The following KRT3 variants were observed in gnomAD, a reference collection of about 807,000 sequenced individuals.
KRT3 encodes the protein keratin 3, also known as keratin, type II cytoskeletal 3.
In KRT3, 34 loss-of-function variants were observed where a neutral mutation model predicts 45.8. The ratio of observed to expected loss-of-function variants is 0.74; its 90% CI spans 0.57 to 0.99. The LOEUF is 0.99. KRT3 is among the 50% of genes least tolerant of loss of function. KRT3 has a pLI of 0.00. For synonymous variants in KRT3, 367 were observed against 329.0 expected, an observed-to-expected ratio of 1.12 and a Z score of -1.25; for missense variants, 828 against 820.6, an observed-to-expected ratio of 1.01 and a Z score of -0.11.
At position 52,790,147 on chromosome 12, in the gene KRT3, G is replaced by A. The variant is rs1052951820; in HGVS notation, c.1782C>T (p.Gly594=). The A allele has an allele frequency of 1.2e-4, 181 of 1,547,396 alleles. No homozygotes were observed. The highest frequency in any genetic ancestry group is 1.1e-4 in the Non-Finnish European group (123 of 1,146,838). ...CCCCGCCACTGACTCCATAGCGGGC[G>A]CCAGAGATGGAGCCAAAGCCGCTGC... is the stretch of plus-strand genomic sequence containing the variant. ...SGGSGFGSIS[G]ARYGVSGGGF... The change falls in exon 9 of 9, where the codon GGC becomes GGT. Residue 594 remains glycine (G), a synonymous_variant. Coordinates refer to ENST00000417996, the MANE Select transcript of KRT3 (RefSeq NM_057088.3).
At position 52,791,689 on chromosome 12, in the gene KRT3, A is replaced by G; in HGVS notation, c.1314+2T>C. 1.9e-6 allele frequency: 3 copies of G among 1,613,868 alleles called. No individual in the cohort carries two copies. The highest frequency in any genetic ancestry group is 2.5e-6 in the Non-Finnish European group (3 of 1,179,910). On this transcript the variant is annotated splice_donor_variant, in intron 6 of 8. Transcript: ENST00000417996. LOFTEE classifies it high-confidence loss of function. ...AGGTGCCAGCATCCATGACCATCCC[A>G]CCTGCTTCTTGACACCCTCGATCTC...
chr12:52,791,098 G>A, intron 7 of KRT3, 108 bp downstream of exon 7: 1 of 1,538,984 alleles, frequency 6.5e-7, no homozygotes, highest in East Asian at 2.3e-5. Context: ...TCACCACAAG[G>A]CCTCTCTTTA....
rs932880132 is a variant in KRT3, at chr12:52,791,884, T to A, written c.1189-68A>T. The A allele has an allele frequency of 2.6e-6, 4 of 1,536,600 alleles. No homozygotes were observed. In the African/African-American group the frequency reaches 4.1e-5, roughly 16 times the overall value. ...TTGACTTGTTTCTACACCTCCAACA[T>A]CACCCACCAAACCTTCAGAAGCTCA... On this transcript the variant is annotated intron_variant, in intron 5 of 8. Transcript: ENST00000417996.
intron 7 of KRT3, 25 bp from the exon 8 acceptor site, chr12:52,790,897 G>T: frequency 6.3e-7 from 1 of 1,585,086 alleles, no homozygotes; most frequent in Non-Finnish European, 8.6e-7. Context: ...AAGAGAAAGT[G>T]GGCCCCGTCA....
rs1458387346 is a variant in KRT3, at chr12:52,795,379, C to G, written c.645+19G>C. On this transcript the variant is annotated intron_variant, in intron 1 of 8. Transcript: ENST00000417996. ...AAGTCCCCAGCCCAGGAAGGGATGA[C>G]CAGTCAAAGCTTCATTACCTTGTCA... 6.2e-7 allele frequency: 1 copy of G among 1,613,718 alleles called. No individual in the cohort carries two copies. Among genetic ancestry groups the G allele is most frequent in the East Asian group, 2.2e-5 (1 of 44,890 alleles).
At chr12:52,793,619 T>C (rs1939576142) in intron 2 of KRT3, among the ~76,000 whole-genome samples, 1 of 152,010 alleles carries the variant, frequency 6.6e-6, no homozygotes, top group African/African-American at 2.4e-5. Flanking sequence ...TTAGACATAG[T>C]CTCGCTCTGT....
chr12:52,794,025 C>G, intron 2 of KRT3, 86 bp downstream of exon 2: 1 of 1,034,052 alleles, frequency 9.7e-7, no homozygotes, highest in Non-Finnish European at 1.5e-6. Flanking sequence ...ACGCCACTGC[C>G]CAGCAGTCAG....
At chr12:52,791,875 C>G in intron 5 of KRT3, 59 bp from the exon 6 acceptor site, 1 of 1,560,048 alleles carries the variant, frequency 6.4e-7, no homozygotes, top group Non-Finnish European at 8.7e-7. Context: ...TGTTTCTACA[C>G]CTCCAACATC....
chr12:52,792,081 C>T (rs1939524769), intron 5 of KRT3, among the ~76,000 whole-genome samples, 158 bp downstream of exon 5: 1 of 152,186 alleles, frequency 6.6e-6, no homozygotes, highest in African/African-American at 2.4e-5. Flanking sequence ...AGGGGCAAGA[C>T]TTTCTGCAAC....
intron 5 of KRT3, 100 bp downstream of exon 5, chr12:52,792,139 T>C: frequency 2.0e-6 from 2 of 1,010,352 alleles, no homozygotes; most frequent in South Asian, 1.6e-5. Flanking sequence ...CCAAAAGGCA[T>C]TCACCCAGTG....
rs1565679542 is a variant in KRT3, at chr12:52,795,608, C to A, written c.435G>T (p.Gly145=). Residue 145 remains glycine (G), a synonymous_variant, in exon 1 of 9, where the codon GGG becomes GGT. Transcript: ENST00000417996. ...TGCCAGGCCCACCAAAGCCACCAGA[C>A]CCACCAAAGCCACCAGGACCACCAA... The part of the protein sequence containing the change: ...GGFGGPGGFG[G]SGGFGGPGSL... The A allele has an allele frequency of 1.3e-6, 2 of 1,593,100 alleles. No homozygotes were observed. The highest frequency in any genetic ancestry group is 1.7e-4 in the Middle Eastern group (1 of 6,040).
rs1939491693 is a variant in KRT3 at position 52,791,341 on chromosome 12, A to G, written c.1400T>C (p.Leu467Pro). Reference protein sequence around the residue: ...LKDANAKLQELQAALQQAKDD... With the variant: ...LKDANAKLQEPQAALQQAKDD... ...CTTCGCCTGCTGTAGAGCAGCCTGCAGCTCTTGGAGCTTGGCATTGGCATC... is the reference window on the plus strand; with the variant it reads ...CTTCGCCTGCTGTAGAGCAGCCTGCGGCTCTTGGAGCTTGGCATTGGCATC... The change falls in exon 7 of 9, where the codon CTG (leucine) becomes CCG (proline). Residue 467 changes from leucine (L) to proline (P), a missense_variant. Coordinates refer to ENST00000417996, the MANE Select transcript of KRT3 (RefSeq NM_057088.3). The G allele has an allele frequency of 1.9e-6, 3 of 1,614,120 alleles. No individual in the cohort carries two copies. Among genetic ancestry groups the G allele is most frequent in the Non-Finnish European group, 2.5e-6 (3 of 1,180,042 alleles).
At position 52,794,331 on chromosome 12, in the gene KRT3, C is replaced by T. The variant is rs367741612; in HGVS notation, c.646G>A (p.Val216Met). The change falls in exon 2 of 9, where the codon GTG becomes ATG. Residue 216 changes from valine (V) to methionine (M), a missense_variant and splice_region_variant. By Grantham distance (21) the Val-to-Met change is conservative. Coordinates refer to ENST00000417996, the MANE Select transcript of KRT3 (RefSeq NM_057088.3). The part of the protein sequence containing the change: ...NNKFASFIDK[V>M]RFLEQQNKVL... ...TTGTTCTGTTGCTCCAGGAACCGCA[C>T]CTGCAATGGTTGCAGGAAGCAACAT... The T allele has an allele frequency of 1.2e-5, 20 of 1,612,610 alleles. No individual in the cohort carries two copies. Among genetic ancestry groups the T allele is most frequent in the Non-Finnish European group, 1.5e-5 (18 of 1,179,142 alleles).
At position 52,792,327 on chromosome 12, in the gene KRT3, A is replaced by G. The variant is rs765075682; in HGVS notation, c.1100T>C (p.Leu367Pro). ...ACGAACTTCAGCAATGATGCTGTCC[A>G]GGTCCAGGGAGCGATTATTGTCCAT... The part of the protein sequence containing the change: ...LSMDNNRSLD[L>P]DSIIAEVRAQ... The change falls in exon 5 of 9, where the codon CTG (leucine) becomes CCG (proline). Residue 367 changes from leucine to proline, a missense_variant. Leu to Pro is a moderately conservative substitution (Grantham distance 98). Transcript: ENST00000417996. 1.2e-6 allele frequency: 2 copies of G among 1,614,036 alleles called. No homozygotes were observed. The highest frequency in any genetic ancestry group is 1.1e-5 in the South Asian group (1 of 91,078).
chr12:52,791,009 T>A, intron 7 of KRT3, 137 bp from the exon 8 acceptor site: 1 of 1,261,908 alleles, frequency 7.9e-7, no homozygotes, highest in Non-Finnish European at 1.1e-6. Flanking sequence ...CACCCCTCTT[T>A]GGGCTGTAGC....
In KRT3 at chr12:52,791,401, G is replaced by A; in HGVS notation, c.1340C>T (p.Ala447Val). The change falls in exon 7 of 9, where the codon GCC becomes GTC. Residue 447 changes from alanine to valine, a missense_variant. Coordinates refer to ENST00000417996, the MANE Select transcript of KRT3 (RefSeq NM_057088.3). ...CATCTCTCCATGCTGCTCGGCCTCG[G>A]CAATGGCCGTCTGCAGGTTGGCATT... ...KQNANLQTAI[A>V]EAEQHGEMAL... 2 of 1,614,074 alleles carry A rather than the reference G, an allele frequency of 1.2e-6. No homozygotes were observed. Among genetic ancestry groups the A allele is most frequent in the African/African-American group, 1.3e-5 (1 of 74,938 alleles).
intron 1 of KRT3, among the ~76,000 whole-genome samples, chr12:52,794,961 A>G (rs571040948): frequency 6.6e-6 from 1 of 152,280 alleles, no homozygotes; most frequent in Non-Finnish European, 1.5e-5. Flanking sequence ...GCTCCAGGTA[A>G]TCAGCCTCCT....
intron 2 of KRT3, 118 bp downstream of exon 2, chr12:52,793,993 G>A: frequency 1.4e-6 from 1 of 727,070 alleles, no homozygotes; most frequent in Non-Finnish European, 2.4e-6. Context: ...ATGAAGGTAA[G>A]GAGAGGGAAA....
intron 3 of KRT3, 25 bp from the exon 4 acceptor site, chr12:52,792,831 C>T (rs749548841): frequency 5.8e-5 from 85 of 1,465,582 alleles, no homozygotes; most frequent in Non-Finnish European, 7.9e-5. Flanking sequence ...AGATAAAGGC[C>T]TTATTCTCCC....
Sources: allele counts gnomAD v4.1 joint callset (sites outside exome capture counted in the v4.1 genomes callset), GRCh38; gene constraint gnomAD v4.1.1; transcripts MANE v1.5; gene names NCBI Gene and HGNC (gene_info 2026-07-23, HGNC 2026-07-21).